Variants in GRID2 observed in about 807,000 individuals in gnomAD.
GRID2 encodes glutamate receptor ionotropic, delta-2.
Under a neutral mutation model 114.8 loss-of-function variants are expected in GRID2, and 33 were observed. That is an observed-to-expected ratio of 0.29 (90% CI 0.22 to 0.38). GRID2 has a LOEUF of 0.38. Among genes scored for constraint, GRID2 ranks in the 10% least tolerant of loss-of-function variants. GRID2 has a pLI of 1.00. For synonymous variants in GRID2, 505 were observed against 449.9 expected, an observed-to-expected ratio of 1.12 and a Z score of -1.55; for missense variants, 1,184 against 1,257.7, an observed-to-expected ratio of 0.94 and a Z score of 0.89.
intron 4 of GRID2, among the ~76,000 whole-genome samples, chr4:93,185,885 A>C (rs1250585963): frequency 6.6e-6 from 1 of 152,048 alleles, no homozygotes; most frequent in Non-Finnish European, 1.5e-5. Context: ...TTCTAATGCT[A>C]TCCCTCCCCC....
At chr4:92,988,720 C>T (rs1442027688) in intron 2 of GRID2, among the ~76,000 whole-genome samples, 4 of 152,050 alleles carry the variant, frequency 2.6e-5, no homozygotes, top group Non-Finnish European at 5.9e-5. Context: ...TAATTAAAAT[C>T]CCTGGAAGAA....
intron 2 of GRID2, among the ~76,000 whole-genome samples, chr4:92,815,605 T>C (rs1378375463): frequency 6.6e-6 from 1 of 152,036 alleles, no homozygotes; most frequent in Non-Finnish European, 1.5e-5. Context: ...TGTTATAATC[T>C]TATTATACTT....
chr4:93,344,649 T>C (rs1760010868), intron 8 of GRID2, among the ~76,000 whole-genome samples: 1 of 148,194 alleles, frequency 6.7e-6, no homozygotes. Context: ...ATATATTTAA[T>C]ATATTTACAG....
chr4:92,435,820 T>G (rs1396854023), intron 1 of GRID2, among the ~76,000 whole-genome samples: 1 of 152,192 alleles, frequency 6.6e-6, no homozygotes, highest in Non-Finnish European at 1.5e-5. Flanking sequence ...TCTCCATCAC[T>G]GGAAGTATCT....
intron 2 of GRID2, among the ~76,000 whole-genome samples, chr4:92,989,292 A>AT (rs1275135526): frequency 5.2e-4 from 76 of 146,642 alleles, no homozygotes; most frequent in African/African-American, 1.7e-3. Flanking sequence ...AAAAAAAAAA[A>AT]AAAAAAAAAA....
intron 13 of GRID2, among the ~76,000 whole-genome samples, chr4:93,603,569 A>T (rs1270383712): frequency 2.0e-5 from 3 of 152,252 alleles, no homozygotes; most frequent in Non-Finnish European, 4.4e-5. Flanking sequence ...TACACTAAAC[A>T]ACAGATTTTC....
At chr4:92,773,421 C>A (rs1738628617) in intron 2 of GRID2, among the ~76,000 whole-genome samples, 1 of 152,072 alleles carries the variant, frequency 6.6e-6, no homozygotes, top group Non-Finnish European at 1.5e-5. Context: ...AATAGAGTAA[C>A]TGTACCAGAA....
At chr4:93,723,556 T>A (rs1729576190) in intron 14 of GRID2, among the ~76,000 whole-genome samples, 1 of 152,216 alleles carries the variant, frequency 6.6e-6, no homozygotes, top group Non-Finnish European at 1.5e-5. Context: ...CACTTAATTC[T>A]ATGCAATATA....
chr4:93,149,902 C>G (rs1736589771), intron 4 of GRID2, among the ~76,000 whole-genome samples: 1 of 152,028 alleles, frequency 6.6e-6, no homozygotes, highest in Admixed American at 6.6e-5. Context: ...TCCCAGTAGG[C>G]TGGGATTACA....
intron 1 of GRID2, among the ~76,000 whole-genome samples, chr4:92,435,712 G>A (rs1046847566): frequency 6.6e-6 from 1 of 152,176 alleles, no homozygotes; most frequent in Non-Finnish European, 1.5e-5. Flanking sequence ...AGAGTACTAG[G>A]GTCCATGGAT....
chr4:93,054,651 A>G (rs1399300591), intron 2 of GRID2, among the ~76,000 whole-genome samples: 2 of 151,930 alleles, frequency 1.3e-5, no homozygotes, highest in African/African-American at 4.8e-5. Flanking sequence ...TTATAATGTT[A>G]CCACCTCTTC....
intron 2 of GRID2, among the ~76,000 whole-genome samples, chr4:92,962,634 C>G (rs1325141931): frequency 6.6e-6 from 1 of 151,910 alleles, no homozygotes; most frequent in Non-Finnish European, 1.5e-5. Flanking sequence ...AAAATGGTTA[C>G]TTTCTCCCTT....
At chr4:93,111,911 T>A (rs1732803331) in intron 4 of GRID2, 1 of 152,028 alleles carries the variant, frequency 6.6e-6, no homozygotes. Context: ...CTAGGAAGGG[T>A]AAAACTTGTG....
At chr4:92,894,475 A>G (rs1298156625) in intron 2 of GRID2, among the ~76,000 whole-genome samples, 2 of 152,146 alleles carry the variant, frequency 1.3e-5, no homozygotes, top group African/African-American at 4.8e-5. Flanking sequence ...ATGTTAAAAA[A>G]TAAATAAATA....
At chr4:93,475,610 A>T (rs1176756209) in intron 11 of GRID2, among the ~76,000 whole-genome samples, 3 of 152,128 alleles carry the variant, frequency 2.0e-5, no homozygotes, top group Non-Finnish European at 2.9e-5. Flanking sequence ...AGAACTAATG[A>T]CATACTTATG....
chr4:93,286,608 A>C (rs543406592), intron 8 of GRID2, among the ~76,000 whole-genome samples: 2 of 152,012 alleles, frequency 1.3e-5, no homozygotes, highest in Admixed American at 6.6e-5. Flanking sequence ...TCACTTAAGA[A>C]CCATCTCAAA....
chr4:93,796,620 T>C (rs1332457915), intron 1 of GRID2, among the ~76,000 whole-genome samples: 1 of 152,226 alleles, frequency 6.6e-6, no homozygotes, highest in Non-Finnish European at 1.5e-5. Flanking sequence ...CTCGGCTCAC[T>C]GCAACCTCCA....
intron 1 of GRID2, among the ~76,000 whole-genome samples, chr4:92,580,940 T>G (rs758732605): frequency 6.6e-6 from 1 of 151,716 alleles, no homozygotes; most frequent in African/African-American, 2.4e-5. Context: ...GAATTTGAAT[T>G]GGTGTGCAGT....
chr4:93,626,279 G>T lies in GRID2; in HGVS notation c.2204G>T (p.Gly735Val). Residue 735 changes from glycine to valine, a missense_variant, in exon 14 of 16, where the codon GGA becomes GTA. By Grantham distance (109) the Gly-to-Val change is moderately radical. Around this residue, in one of 3 missense-constraint regions of GRID2, gnomAD observed 717 missense variants for 796.9 expected, o/e 0.90. Transcript: ENST00000282020. Reference sequence around the variant, plus strand: ...TTCATTTTTTCACAGGTAAAATATGGAAATTATGCTTTCGTATGGGATGCA... The same window carrying T: ...TTCATTTTTTCACAGGTAAAATATGTAAATTATGCTTTCGTATGGGATGCA... ...SQAGIQKVKY[G>V]NYAFVWDAAV... 1 of 1,587,768 alleles carries T rather than the reference G, an allele frequency of 6.3e-7. No individual in the cohort carries two copies. Among genetic ancestry groups the T allele is most frequent in the Non-Finnish European group, 8.6e-7 (1 of 1,162,958 alleles).
Sources: gnomAD v4.1 joint callset for allele counts (sites outside exome capture counted in the v4.1 genomes callset) on GRCh38, gnomAD v4.1.1 for gene constraint, gnomAD v4.1.1 regional missense constraint, MANE v1.5 for transcripts, NCBI Gene and HGNC (gene_info 2026-07-23, HGNC 2026-07-21) for gene names.